Variants in ARHGAP42 observed in about 807,000 individuals in gnomAD.
ARHGAP42 encodes Rho GTPase activating protein 42.
In ARHGAP42, 63 loss-of-function variants were observed where a neutral mutation model predicts 125.0. The ratio of observed to expected loss-of-function variants is 0.50; its 90% CI spans 0.41 to 0.62. The LOEUF (loss-of-function observed/expected upper bound fraction) is 0.62, where lower values mean the gene tolerates loss of function less well. Among genes scored for constraint, ARHGAP42 ranks in the 20% least tolerant of loss-of-function variants. ARHGAP42 has a pLI of 0.00. For synonymous variants in ARHGAP42, 339 were observed against 351.0 expected (o/e 0.97, Z 0.38); for missense variants, 766 against 1,024.2 (o/e 0.75, Z 3.44).
intron 1 of ARHGAP42, among the ~76,000 whole-genome samples, chr11:100,688,145 T>G (rs1861122723): frequency 6.6e-6 from 1 of 152,100 alleles, no homozygotes; most frequent in Non-Finnish European, 1.5e-5. Context: ...TTTTTTTAAT[T>G]TATTGTGTCT....
chr11:100,937,874 G>GT (rs1867776564), intron 8 of ARHGAP42, among the ~76,000 whole-genome samples: 1 of 152,106 alleles, frequency 6.6e-6, no homozygotes, highest in Non-Finnish European at 1.5e-5. Context: ...TCAAGCTGTT[G>GT]GACATTTGGG....
intron 1 of ARHGAP42, among the ~76,000 whole-genome samples, chr11:100,731,803 C>T (rs1861963283): frequency 1.3e-5 from 2 of 152,110 alleles, no homozygotes; most frequent in African/African-American, 4.8e-5. Context: ...ATTGTATTTC[C>T]ATCAGATCTT....
chr11:100,848,350 A>C (rs1865120654), intron 3 of ARHGAP42, among the ~76,000 whole-genome samples: 1 of 152,152 alleles, frequency 6.6e-6, no homozygotes, highest in African/African-American at 2.4e-5. Flanking sequence ...GAAAGTTACA[A>C]ACCGGATGTG....
rs1204932031 is a variant in ARHGAP42, at chr11:100,805,335, T to A, written c.312+10169T>A. 2.6e-5 allele frequency among the ~76,000 whole-genome samples: 4 copies of A among 152,362 alleles called. No homozygotes were observed. The South Asian group carries it at 8.3e-4, about 32-fold the overall frequency. Reference sequence around the variant, plus strand: ...ACTAACATATATTGTTGATATCATATGTAAGATGTGCTAATAAGTACTTTA... The same window carrying A: ...ACTAACATATATTGTTGATATCATAAGTAAGATGTGCTAATAAGTACTTTA... On this transcript the variant is annotated intron_variant, in intron 3 of 23. Transcript: ENST00000298815.
rs555255678 is a variant in ARHGAP42, at chr11:100,962,308, T to C, written c.1386-101T>C. 95 of 903,696 alleles carry C rather than the reference T, an allele frequency of 1.1e-4. No homozygotes were observed. In the South Asian group the frequency reaches 1.6e-3, roughly 15 times the overall value. 56.0% of individuals were successfully genotyped at this position (903,696 alleles called of 1,614,324 possible). On this transcript the variant is annotated intron_variant, in intron 15 of 23. Transcript: ENST00000298815. The stretch of plus-strand genomic sequence containing the variant: ...TATTTATGTGTTATTTTATTTTTAA[T>C]TGATGAATAACAGTCACCTAATTCT...
chr11:100,764,817 TAA>T (rs1862792158), intron 1 of ARHGAP42, among the ~76,000 whole-genome samples: 1 of 152,126 alleles, frequency 6.6e-6, no homozygotes, highest in South Asian at 2.1e-4. Context: ...TCATAGATGG[TAA>T]AGTTTCCTAC....
intron 22 of ARHGAP42, chr11:100,985,949 C>T (rs1858667955): frequency 2.4e-6 from 1 of 423,052 alleles, no homozygotes. Context: ...GCTGCTGACG[C>T]TGCTTTGCAG....
At chr11:100,950,272 T>G (rs1565290679) in intron 12 of ARHGAP42, among the ~76,000 whole-genome samples, 2 of 126,296 alleles carry the variant, frequency 1.6e-5, no homozygotes, top group Non-Finnish European at 3.6e-5. Context: ...TATATTATAT[T>G]TTTATTATAT....
At chr11:100,764,938 A>G (rs1862794505) in intron 1 of ARHGAP42, among the ~76,000 whole-genome samples, 1 of 152,208 alleles carries the variant, frequency 6.6e-6, no homozygotes, top group Non-Finnish European at 1.5e-5. Context: ...TTAAAGGCAG[A>G]GATAGTGTCA....
At chr11:100,862,744 T>C (rs916181524) in intron 4 of ARHGAP42, among the ~76,000 whole-genome samples, 3 of 152,086 alleles carry the variant, frequency 2.0e-5, no homozygotes, top group Admixed American at 1.3e-4. Context: ...AAAACAAGCA[T>C]GTTCGGCTGG....
intron 3 of ARHGAP42, among the ~76,000 whole-genome samples, chr11:100,849,823 T>C (rs931047578): frequency 6.6e-6 from 1 of 152,170 alleles, no homozygotes; most frequent in African/African-American, 2.4e-5. Context: ...GTTTCCTGTG[T>C]TTATTTATAT....
At chr11:100,881,474 AC>A (rs1865960424) in intron 4 of ARHGAP42, among the ~76,000 whole-genome samples, 1 of 152,170 alleles carries the variant, frequency 6.6e-6, no homozygotes, top group Admixed American at 6.5e-5. Flanking sequence ...TGTTTTGGTG[AC>A]TATGGCCTTA....
chr11:100,791,855 T>C (rs1863575327), intron 2 of ARHGAP42, among the ~76,000 whole-genome samples: 1 of 152,188 alleles, frequency 6.6e-6, no homozygotes, highest in Admixed American at 6.5e-5. Context: ...TCTTACTAAA[T>C]CTATAAATAG....
At chr11:100,906,122 C>T (rs535100925) in intron 4 of ARHGAP42, among the ~76,000 whole-genome samples, 2 of 152,244 alleles carry the variant, frequency 1.3e-5, no homozygotes, top group African/African-American at 4.8e-5. Context: ...TGGGAGTTCC[C>T]TGTGACTCTT....
At chr11:100,709,685 A>C (rs913944581) in intron 1 of ARHGAP42, among the ~76,000 whole-genome samples, 2 of 152,204 alleles carry the variant, frequency 1.3e-5, no homozygotes, top group Admixed American at 6.5e-5. Flanking sequence ...TTTTATTACT[A>C]GCATATTTAT....
intron 23 of ARHGAP42, among the ~76,000 whole-genome samples, chr11:100,988,243 T>C (rs1344392057): frequency 6.6e-6 from 1 of 152,218 alleles, no homozygotes; most frequent in African/African-American, 2.4e-5. Context: ...TATTTGACTA[T>C]GTGAATGCAA....
chr11:100,974,022 T>TA (rs1408481847), intron 18 of ARHGAP42, among the ~76,000 whole-genome samples: 1 of 152,106 alleles, frequency 6.6e-6, no homozygotes, highest in Non-Finnish European at 1.5e-5. Flanking sequence ...GCTCTGCACA[T>TA]ACCTTAACCT....
At chr11:100,980,556 C>CTTTTTTTTTT (rs1565305665) in intron 22 of ARHGAP42, among the ~76,000 whole-genome samples, 1 of 23,542 alleles carries the variant, frequency 4.2e-5, no homozygotes, top group African/African-American at 1.8e-4. Context: ...TCTTTTTCTT[C>CTTTTTTTTTT]TTCTTTTTTT....
intron 5 of ARHGAP42, among the ~76,000 whole-genome samples, chr11:100,917,015 TTGTGTGTGTGTG>T (rs6144479): frequency 0.073 from 10,971 of 149,558 alleles, 579 homozygotes; most frequent in East Asian, 0.29. Flanking sequence ...TAAAATAAGT[TTGTGTGTGTGTG>T]TGTGTGTGTG....
Sources: gnomAD v4.1 joint callset for allele counts (sites outside exome capture counted in the v4.1 genomes callset) on GRCh38, gnomAD v4.1.1 for gene constraint, MANE v1.5 for transcripts, NCBI Gene and HGNC (gene_info 2026-07-23, HGNC 2026-07-21) for gene names.